MGST2: variants seen among roughly 807,000 people sequenced by gnomAD.
MGST2 encodes microsomal glutathione S-transferase 2, also known as glutathione peroxidase MGST2.
In MGST2, 9 loss-of-function variants were observed where a neutral mutation model predicts 16.6. That is an observed-to-expected ratio of 0.54 (90% CI 0.33 to 0.95). The LOEUF (loss-of-function observed/expected upper bound fraction) is 0.95. Among genes scored for constraint, MGST2 ranks in the 40% least tolerant of loss-of-function variants. The pLI, the probability that MGST2 is intolerant of heterozygous loss-of-function variation, is 0.03. For missense variants in MGST2, 159 were observed against 175.1 expected, an observed-to-expected ratio of 0.91 and a Z score of 0.52; for synonymous variants, 79 against 68.0, an observed-to-expected ratio of 1.16 and a Z score of -0.79.
intron 2 of MGST2, among the ~76,000 whole-genome samples, chr4:139,688,648 A>AT (rs1726382910): frequency 6.6e-6 from 1 of 152,094 alleles, no homozygotes; most frequent in Admixed American, 6.6e-5. Flanking sequence ...AAGAATAGTG[A>AT]TTTTTCAGGT....
chr4:139,713,473 CAGAAAAA>C (rs1403224946), intron 5 of MGST2, among the ~76,000 whole-genome samples: 22 of 4,136 alleles, frequency 5.3e-3, no homozygotes, highest in Admixed American at 0.022. Flanking sequence ...AGTGGCAAGA[CAGAAAAA>C]AAAAAAAAAA....
intron 1 of MGST2, among the ~76,000 whole-genome samples, chr4:139,667,435 C>G (rs890698246): frequency 7.5e-6 from 1 of 133,434 alleles, no homozygotes; most frequent in African/African-American, 2.9e-5. Context: ...TCCCTGTTTG[C>G]TGCTTGTGCA....
At chr4:139,716,143 T>C (rs757052051) in intron 5 of MGST2, among the ~76,000 whole-genome samples, 6 of 152,186 alleles carry the variant, frequency 3.9e-5, no homozygotes, top group Non-Finnish European at 7.3e-5. Flanking sequence ...TATCTGAGTT[T>C]GTTCAGACAA....
chr4:139,746,626 A>G, the MGST2 span, among the ~76,000 whole-genome samples: 2 of 152,070 alleles, frequency 1.3e-5, no homozygotes, highest in Admixed American at 6.5e-5. Context: ...CCTCGTTGCC[A>G]TGGTCTTTCC....
At chr4:139,731,435 T>TTAAAAA (rs1491282159) in intron 5 of MGST2, 1 of 38,718 alleles carries the variant, frequency 2.6e-5, no homozygotes, top group African/African-American at 7.8e-5. Context: ...CTGTCTCTAC[T>TTAAAAA]AAAAAAAAAA....
chr4:139,678,736 T>C, intron 2 of MGST2, 94 bp downstream of exon 2: 1 of 955,276 alleles, frequency 1.0e-6, no homozygotes, highest in Non-Finnish European at 1.7e-6. Flanking sequence ...AGACCCTAAG[T>C]TCATGTGCAA....
At chr4:139,716,257 G>A (rs1302559192) in intron 5 of MGST2, among the ~76,000 whole-genome samples, 1 of 152,204 alleles carries the variant, frequency 6.6e-6, no homozygotes, top group Non-Finnish European at 1.5e-5. Context: ...TGCAGGTGAA[G>A]CCAGGCCATG....
chr4:139,682,031 TA>T (rs1298382251), intron 2 of MGST2, among the ~76,000 whole-genome samples: 1 of 150,662 alleles, frequency 6.6e-6, no homozygotes. Context: ...CTCTCTCTAT[TA>T]AAAAAAAATT....
At chr4:139,753,545 C>T in the MGST2 span, among the ~76,000 whole-genome samples, 1 of 152,060 alleles carries the variant, frequency 6.6e-6, no homozygotes, top group Non-Finnish European at 1.5e-5. Context: ...CCTTTATAAC[C>T]TTGAGTCTAA....
Position 139,666,046 on chromosome 4 carries a change from T to G in MGST2, c.27T>G (p.Ala9=). The G allele has an allele frequency of 1.2e-6, 2 of 1,614,128 alleles. No individual in the cohort carries two copies. Among genetic ancestry groups the G allele is most frequent in the Non-Finnish European group, 1.7e-6 (2 of 1,180,020 alleles). Residue 9 remains alanine (A), a synonymous_variant, in exon 1 of 5, where the codon GCT becomes GCG. Coordinates refer to ENST00000265498, the MANE Select transcript of MGST2 (RefSeq NM_002413.5). ...TGGCCGGGAACTCGATCCTGCTGGC[T>G]GCTGTCTCTATTCTCTCGGCCTGTC... MAGNSILL[A]AVSILSACQQ...
In MGST2 at chr4:139,686,375, A is replaced by G. The variant is rs147354509; in HGVS notation, c.158+7733A>G. On this transcript the variant is annotated intron_variant, in intron 2 of 4. Transcript: ENST00000265498. The stretch of plus-strand genomic sequence containing the variant: ...TTGTAAAACGTTTCTTATCAGCCTT[A>G]AAGTCTGTGTTGCTGTGAATGCTGA... 7.4e-3 allele frequency among the ~76,000 whole-genome samples: 1,129 copies of G among 152,300 alleles called. 9 individuals are homozygous for G. The highest frequency in any genetic ancestry group is 0.025 in the African/African-American group (1,025 of 41,550).
At position 139,703,014 on chromosome 4, in the gene MGST2, C is replaced by A. The variant is rs149200139; in HGVS notation, c.230-441C>A. The stretch of plus-strand genomic sequence containing the variant: ...GATCTTGGCTCACTGCAACCTCCAC[C>A]TCCTGGGTTCAAACGATTCTCCTGC... On this transcript the variant is annotated intron_variant, in intron 3 of 4. Transcript: ENST00000265498. 3.9e-3 allele frequency among the ~76,000 whole-genome samples: 597 copies of A among 151,876 alleles called. 4 individuals carry two copies. The highest frequency in any genetic ancestry group is 0.014 in the African/African-American group (573 of 41,442).
rs780386515 is a variant in MGST2 at position 139,719,589 on chromosome 4, G to A, written c.*48+15393G>A. On this transcript the variant is annotated intron_variant, in intron 5 of 5. Transcript: ENST00000616265. ...GGCATGCCTGGGACTCCCTGGCTCA[G>A]GCCAGACATGACCATTGGCCTCGCC... is the stretch of plus-strand genomic sequence containing the variant. 5 of 1,613,404 alleles carry A rather than the reference G, an allele frequency of 3.1e-6. No homozygotes were observed. The Admixed American group carries it at 8.3e-5, about 27-fold the overall frequency.
chr4:139,719,051 C>T, intron 5 of MGST2: 2 of 426,098 alleles, frequency 4.7e-6, no homozygotes, highest in East Asian at 4.3e-5. Flanking sequence ...CTCTGGCCGG[C>T]TTCATCTTCC....
intron 2 of MGST2, among the ~76,000 whole-genome samples, chr4:139,680,349 G>C (rs72728780): frequency 6.6e-6 from 1 of 151,824 alleles, no homozygotes; most frequent in Non-Finnish European, 1.5e-5. Context: ...TTATTTCTTT[G>C]TTTGCTTAGT....
chr4:139,701,530 C>T (rs745487939), intron 3 of MGST2, among the ~76,000 whole-genome samples: 1 of 152,184 alleles, frequency 6.6e-6, no homozygotes, highest in Admixed American at 6.6e-5. Context: ...ATTTCTTTCA[C>T]AGCACTTTCA....
rs763893341 is a variant in MGST2 at position 139,719,403 on chromosome 4, C to G, written c.*48+15207C>G. The G allele has an allele frequency of 6.1e-5, 99 of 1,613,904 alleles. No individual in the cohort carries two copies. In the South Asian group the frequency reaches 1.1e-3, roughly 17 times the overall value. ...CCTTTGATGATGGAGTCCACAAGGT[C>G]TGCACCGTCCGGGAGGCCAGGGAAG... On this transcript the variant is annotated intron_variant, in intron 5 of 5. Coordinates refer to the MGST2 transcript ENST00000616265.
At chr4:139,685,040 T>C (rs1731485417) in intron 2 of MGST2, 1 of 152,350 alleles carries the variant, frequency 6.6e-6, no homozygotes, top group Non-Finnish European at 1.5e-5. Context: ...GAGCTTCTTT[T>C]GGTTCTGGGG....
chr4:139,735,873 G>C lies in MGST2; in HGVS notation c.*49-4339G>C, dbSNP rs1245926649. On this transcript the variant is annotated intron_variant, in intron 5 of 5. Coordinates refer to the MGST2 transcript ENST00000616265. This position sits in a 1 kb window ranked among gnomAD's most constrained non-coding sequence, Gnocchi z 5.8. ...GGGCAGGGGCGGTGCGGCGGCGCTC[G>C]GGAGACCCGCGAGGGGCCCTGGAGG... Among the ~76,000 whole-genome samples, 1 of 151,890 alleles carries C rather than the reference G, an allele frequency of 6.6e-6. No individual in the cohort carries two copies. The highest frequency in any genetic ancestry group is 1.5e-5 in the Non-Finnish European group (1 of 67,942).
Sources: allele counts gnomAD v4.1 joint callset (sites outside exome capture counted in the v4.1 genomes callset), GRCh38; gene constraint gnomAD v4.1.1; non-coding constraint Gnocchi (gnomAD v3.1); transcripts MANE v1.5; gene names NCBI Gene and HGNC (gene_info 2026-07-23, HGNC 2026-07-21).